SIK3: variants seen among roughly 807,000 people sequenced by gnomAD.
SIK3 encodes serine/threonine-protein kinase SIK3.
Under a neutral mutation model 144.2 loss-of-function variants are expected in SIK3, and 28 were observed. The ratio of observed to expected loss-of-function variants is 0.19; its 90% confidence interval spans 0.14 to 0.27. The LOEUF is 0.27. Ranked by LOEUF, SIK3 falls within the 10% of genes least tolerant of loss-of-function variation. The pLI is 1.00. For synonymous variants in SIK3, 686 were observed against 676.3 expected, an observed-to-expected ratio of 1.01 and a Z score of -0.22; for missense variants, 1,319 against 1,776.0, an observed-to-expected ratio of 0.74 and a Z score of 4.62.
chr11:116,984,547 C>T (rs534274645), intron 1 of SIK3, among the ~76,000 whole-genome samples: 11 of 152,248 alleles, frequency 7.2e-5, no homozygotes, highest in African/African-American at 2.4e-4. Flanking sequence ...AGCCCAGATA[C>T]GAAAGCTCAG....
chr11:117,024,792 TTAGCAGGCTGAGG>T (rs1190748310), intron 1 of SIK3, among the ~76,000 whole-genome samples: 1 of 151,942 alleles, frequency 6.6e-6, no homozygotes, highest in Non-Finnish European at 1.5e-5. Flanking sequence ...TCCCAGCTAC[TTAGCAGGCTGAGG>T]TGGGAGGATC....
chr11:117,080,936 ACT>A (rs1954757320), intron 1 of SIK3, among the ~76,000 whole-genome samples: 1 of 152,022 alleles, frequency 6.6e-6, no homozygotes, highest in Non-Finnish European at 1.5e-5. Context: ...TGACAGAGAA[ACT>A]CTGTCTCAAA....
intron 1 of SIK3, among the ~76,000 whole-genome samples, chr11:117,034,214 T>C (rs1333595375): frequency 3.3e-5 from 5 of 152,190 alleles, no homozygotes; most frequent in African/African-American, 1.2e-4. Context: ...GAGGAAAAGC[T>C]TGTTAAATCC....
intron 3 of SIK3, 121 bp from the exon 4 acceptor site, chr11:116,927,501 G>C (rs1008785855): frequency 1.2e-6 from 1 of 825,718 alleles, no homozygotes; most frequent in African/African-American, 1.7e-5. Context: ...AATGAGCAAT[G>C]AGAGAACAAC....
At chr11:116,853,981 G>T (rs1203842749) in intron 21 of SIK3, among the ~76,000 whole-genome samples, 1 of 152,242 alleles carries the variant, frequency 6.6e-6, no homozygotes, top group Non-Finnish European at 1.5e-5. Context: ...CACAGTGCCT[G>T]GCCTCATACT....
At chr11:116,861,776 G>C (rs780422364) in intron 18 of SIK3, 65 bp downstream of exon 18, 172 of 1,059,508 alleles carry the variant, frequency 1.6e-4, no homozygotes, top group Non-Finnish European at 2.4e-4. Context: ...ATCTCCCAGT[G>C]AGTCAAGCCA....
At chr11:116,907,448 A>C (rs1276288294) in intron 4 of SIK3, among the ~76,000 whole-genome samples, 1 of 152,220 alleles carries the variant, frequency 6.6e-6, no homozygotes, top group Non-Finnish European at 1.5e-5. Flanking sequence ...GGAGTTTAAG[A>C]CCAGCCTGGC....
chr11:116,885,817 C>T (rs1944787500), intron 6 of SIK3, among the ~76,000 whole-genome samples: 1 of 152,176 alleles, frequency 6.6e-6, no homozygotes, highest in African/African-American at 2.4e-5. Flanking sequence ...ACTAGATGTG[C>T]ATCTTGGGCA....
chr11:117,090,628 A>G (rs1955202610), intron 1 of SIK3, among the ~76,000 whole-genome samples: 1 of 152,248 alleles, frequency 6.6e-6, no homozygotes, highest in African/African-American at 2.4e-5. Flanking sequence ...TTAGCTAGAT[A>G]TAATGACATG....
rs1591388716 is a variant in SIK3, at chr11:116,858,399, A to G, written c.3066T>C (p.Ser1022=). The part of the protein sequence containing the change: ...QVPHILQGLL[S]PRHSLTGHSD... ...AGTGGCCGGTGAGCGAATGCCGGGG[A>G]GAAAGCAGTCCTTGAAGGATGTGGG... Residue 1022 remains serine, a synonymous_variant, in exon 21 of 25, where the codon TCT becomes TCC. Transcript: ENST00000445177. The surrounding 1 kb of genome is among the most constrained non-coding windows in gnomAD (Gnocchi z 5.4). The G allele has an allele frequency of 6.2e-7, 1 of 1,613,274 alleles. No individual in the cohort carries two copies. The highest frequency in any genetic ancestry group is 8.5e-7 in the Non-Finnish European group (1 of 1,179,642).
At chr11:117,017,446 T>C (rs1166026971) in intron 1 of SIK3, among the ~76,000 whole-genome samples, 4 of 152,328 alleles carry the variant, frequency 2.6e-5, no homozygotes, top group South Asian at 2.1e-4. Flanking sequence ...CTTTTCAGTA[T>C]ACCTCTTTTC....
intron 1 of SIK3, among the ~76,000 whole-genome samples, chr11:116,986,969 G>T (rs1258998985): frequency 6.6e-6 from 1 of 152,174 alleles, no homozygotes; most frequent in Admixed American, 6.6e-5. Flanking sequence ...GGAGGGAAGG[G>T]GAAATGAGGA....
intron 6 of SIK3, among the ~76,000 whole-genome samples, chr11:116,893,415 A>C (rs1460632399): frequency 6.6e-6 from 1 of 152,020 alleles, no homozygotes; most frequent in African/African-American, 2.4e-5. Context: ...AGTAGCTCAC[A>C]CCAATAGTCC....
chr11:116,864,068 C>T (rs2134446354), intron 15 of SIK3: 1 of 356,274 alleles, frequency 2.8e-6, no homozygotes, highest in Non-Finnish European at 5.1e-6. Context: ...GGTGAGGTCC[C>T]GAGATCAAGT....
rs1185267616 is a variant in SIK3, at chr11:117,039,818, C to CA, written c.273+58324dup. On this transcript the variant is annotated intron_variant, in intron 1 of 24. Coordinates refer to ENST00000445177, the MANE Select transcript of SIK3 (RefSeq NM_001366686.3). ...TTACAAAGAAGAAAACTACGGTTTA[C>CA]AACTGTTAAGAAACTTGCCCAAACT... is the stretch of plus-strand genomic sequence containing the variant. 2.6e-5 allele frequency among the ~76,000 whole-genome samples: 4 copies of CA among 152,120 alleles called. No individual in the cohort carries two copies. In the East Asian group the frequency reaches 7.7e-4, roughly 29 times the overall value.
rs189423406 is a variant in SIK3 at position 116,991,064 on chromosome 11, A to G, written c.274-34000T>C. Reference sequence around the variant, plus strand: ...GCTTGTTTTACAAATGAATTAAACCAAAGTTTAAGGCTCATCCAAGGTCAG... The same window carrying G: ...GCTTGTTTTACAAATGAATTAAACCGAAGTTTAAGGCTCATCCAAGGTCAG... On this transcript the variant is annotated intron_variant, in intron 1 of 24. Coordinates refer to ENST00000445177, the MANE Select transcript of SIK3 (RefSeq NM_001366686.3). Among the ~76,000 whole-genome samples the G allele has an allele frequency of 3.1e-3, 472 of 152,366 alleles. 5 individuals carry two copies. The highest frequency in any genetic ancestry group is 3.4e-3 in the Middle Eastern group (1 of 294).
chr11:117,019,715 G>A lies in SIK3; in HGVS notation c.274-62651C>T, dbSNP rs183021059. 3.3e-5 allele frequency among the ~76,000 whole-genome samples: 5 copies of A among 151,924 alleles called. No individual in the cohort carries two copies. The East Asian group carries it at 7.8e-4, about 24-fold the overall frequency. On this transcript the variant is annotated intron_variant, in intron 1 of 24. Transcript: ENST00000445177. Reference sequence around the variant, plus strand: ...TGCAACCTCTGCCTCCCGGGTTCACGTGATTCTCCTGCCTCAGCCTCCTGA... The same window carrying A: ...TGCAACCTCTGCCTCCCGGGTTCACATGATTCTCCTGCCTCAGCCTCCTGA...
chr11:117,015,605 A>C, intron 1 of SIK3, among the ~76,000 whole-genome samples: 7 of 135,670 alleles, frequency 5.2e-5, no homozygotes, highest in East Asian at 4.3e-4. Flanking sequence ...ACGTTGTTTC[A>C]CTCTTATTGC....
intron 1 of SIK3, among the ~76,000 whole-genome samples, chr11:117,085,868 C>T (rs761509558): frequency 1.3e-5 from 2 of 152,088 alleles, no homozygotes; most frequent in Non-Finnish European, 2.9e-5. Context: ...GCCTATAGTC[C>T]CAGCTACTCA....
Sources: allele counts gnomAD v4.1 joint callset (sites outside exome capture counted in the v4.1 genomes callset), GRCh38; gene constraint gnomAD v4.1.1; non-coding constraint Gnocchi (gnomAD v3.1); transcripts MANE v1.5; gene names NCBI Gene and HGNC (gene_info 2026-07-23, HGNC 2026-07-21).